SCARA5: variants seen among roughly 807,000 people sequenced by gnomAD.
SCARA5 encodes the protein scavenger receptor class A, member 5 (putative).
In SCARA5, 45 loss-of-function variants were observed where a neutral mutation model predicts 46.3. The ratio of observed to expected loss-of-function variants is 0.97; its 90% confidence interval spans 0.76 to 1.24. SCARA5 has a LOEUF of 1.24. Among genes scored for constraint, SCARA5 ranks in the 50% most tolerant of loss-of-function variants. The probability of loss-of-function intolerance (pLI) is 0.00; values close to 1 mark genes in which losing one functional copy is unlikely to be tolerated. For missense variants in SCARA5, 680 were observed against 689.0 expected (o/e 0.99, Z 0.15); for synonymous variants, 333 against 306.5 (o/e 1.09, Z -0.90).
chr8:27,921,211 C>G (rs1435162611), intron 4 of SCARA5, among the ~76,000 whole-genome samples: 1 of 152,218 alleles, frequency 6.6e-6, no homozygotes. Flanking sequence ...TTGTTCTGCC[C>G]CCAGCCTCAA....
At chr8:27,911,246 A>AC (rs11413785) in intron 4 of SCARA5, among the ~76,000 whole-genome samples, 108,530 of 151,902 alleles carry the variant, frequency 0.71, 39,253 homozygotes, top group East Asian at 0.95. Context: ...AAGTAATCTC[A>AC]CCTGCCTTGT....
intron 3 of SCARA5, among the ~76,000 whole-genome samples, chr8:27,927,741 G>T (rs907362565): frequency 6.6e-6 from 1 of 151,968 alleles, no homozygotes; most frequent in Non-Finnish European, 1.5e-5. Flanking sequence ...AGGTCAAAAG[G>T]CATGGACATT....
chr8:27,901,716 G>A (rs1807157284), intron 7 of SCARA5, among the ~76,000 whole-genome samples: 2 of 152,186 alleles, frequency 1.3e-5, no homozygotes, highest in South Asian at 4.1e-4. Flanking sequence ...CCTCAGCCCT[G>A]AATCGTGACA....
At chr8:27,949,325 C>T (rs1285146082) in intron 3 of SCARA5, among the ~76,000 whole-genome samples, 1 of 152,222 alleles carries the variant, frequency 6.6e-6, no homozygotes, top group African/African-American at 2.4e-5. Flanking sequence ...CACCAGTGCC[C>T]TTTAAATTTA....
chr8:27,907,008 A>T (rs867999438), intron 6 of SCARA5, 140 bp downstream of exon 6: 1 of 543,952 alleles, frequency 1.8e-6, no homozygotes. Flanking sequence ...TAAATGCTTT[A>T]ACAAGATGAA....
chr8:27,959,072 A>G (rs370022124), intron 3 of SCARA5, among the ~76,000 whole-genome samples: 2 of 152,218 alleles, frequency 1.3e-5, no homozygotes, highest in Admixed American at 6.5e-5. Context: ...GTCTCTACTA[A>G]AAATACAAAA....
At chr8:27,988,488 C>T (rs1463949343) in intron 1 of SCARA5, among the ~76,000 whole-genome samples, 4 of 152,166 alleles carry the variant, frequency 2.6e-5, no homozygotes, top group Non-Finnish European at 1.5e-5. Flanking sequence ...GCGTAAGGTG[C>T]GTGTGGATGT....
intron 3 of SCARA5, among the ~76,000 whole-genome samples, chr8:27,957,683 C>T (rs983213927): frequency 2.0e-5 from 3 of 152,312 alleles, no homozygotes; most frequent in South Asian, 2.1e-4. Flanking sequence ...GCTGTGGGGC[C>T]GTGGGCCAGA....
At chr8:27,875,563 G>C (rs1440998172) in intron 8 of SCARA5, among the ~76,000 whole-genome samples, 1 of 152,124 alleles carries the variant, frequency 6.6e-6, no homozygotes, top group East Asian at 1.9e-4. Flanking sequence ...CCAGCAGGAG[G>C]AGCAGCACAG....
intron 4 of SCARA5, among the ~76,000 whole-genome samples, chr8:27,919,629 C>T (rs191602365): frequency 3.0e-4 from 45 of 151,856 alleles, no homozygotes; most frequent in South Asian, 1.7e-3. Context: ...TCTCTGTGCC[C>T]CCTAGCATGA....
At chr8:27,956,275 T>C (rs754595729) in intron 3 of SCARA5, among the ~76,000 whole-genome samples, 2 of 152,138 alleles carry the variant, frequency 1.3e-5, no homozygotes, top group Non-Finnish European at 2.9e-5. Context: ...AACAAACCTG[T>C]ACATACATCC....
At position 27,907,182 on chromosome 8, in the gene SCARA5, C is replaced by A. The variant is rs757532938; in HGVS notation, c.1062G>T (p.Gly354=). Residue 354 remains glycine, a synonymous_variant, in exon 6 of 9, where the codon GGG becomes GGT. Coordinates refer to ENST00000354914, the MANE Select transcript of SCARA5 (RefSeq NM_173833.6). ...PGPKGDDGKL[G]ATGPMGMRGF... The stretch of plus-strand genomic sequence containing the variant: ...CACGCATGCCCATTGGTCCTGTGGC[C>A]CCCAGCTTCCCATCATCGCCCTTGG... 1 of 1,613,666 alleles carries A rather than the reference C, an allele frequency of 6.2e-7. No individual in the cohort carries two copies. The highest frequency in any genetic ancestry group is 1.7e-5 in the Admixed American group (1 of 59,968).
rs1224252026 is a variant in SCARA5, at chr8:27,871,870, C to A, written c.*64G>T. On this transcript the variant is annotated 3_prime_UTR_variant, in exon 9 of 9. Transcript: ENST00000354914. ...ATGGTCAGGGTGGCCCCGAGCTGTG[C>A]CCCACCCCAGGGATGCAGGAAGGGT... The A allele has an allele frequency of 6.2e-7, 1 of 1,607,826 alleles. No individual in the cohort carries two copies. The highest frequency in any genetic ancestry group is 8.5e-7 in the Non-Finnish European group (1 of 1,176,928).
At chr8:27,938,200 C>T (rs753118583) in intron 3 of SCARA5, among the ~76,000 whole-genome samples, 1 of 152,192 alleles carries the variant, frequency 6.6e-6, no homozygotes, top group Non-Finnish European at 1.5e-5. Flanking sequence ...TCACTGATGC[C>T]ACCCTTGGCT....
At chr8:27,943,541 G>A (rs539116852) in intron 3 of SCARA5, among the ~76,000 whole-genome samples, 1 of 152,354 alleles carries the variant, frequency 6.6e-6, no homozygotes, top group African/African-American at 2.4e-5. Flanking sequence ...GGTTCTCCAA[G>A]GGGTTGGGGA....
At chr8:27,973,828 G>A (rs1461636154) in intron 2 of SCARA5, among the ~76,000 whole-genome samples, 1 of 152,130 alleles carries the variant, frequency 6.6e-6, no homozygotes, top group Non-Finnish European at 1.5e-5. Context: ...GACTTATGGG[G>A]TGAAAAAAAT....
chr8:27,877,136 G>A (rs747014082), intron 8 of SCARA5, among the ~76,000 whole-genome samples: 2 of 152,136 alleles, frequency 1.3e-5, no homozygotes, highest in Admixed American at 6.5e-5. Flanking sequence ...TTGTAGAGAG[G>A]AGGAGAACAT....
intron 8 of SCARA5, among the ~76,000 whole-genome samples, chr8:27,878,568 C>T (rs561275260): frequency 5.3e-5 from 8 of 152,196 alleles, no homozygotes; most frequent in African/African-American, 1.4e-4. Flanking sequence ...AGGAAAGCAA[C>T]CAAAATGATG....
intron 3 of SCARA5, among the ~76,000 whole-genome samples, chr8:27,949,783 C>G (rs900203303): frequency 1.3e-5 from 2 of 152,248 alleles, no homozygotes; most frequent in African/African-American, 4.8e-5. Context: ...TCCTCCCCTA[C>G]AGCCTGCCCG....
Sources: allele counts gnomAD v4.1 joint callset (sites outside exome capture counted in the v4.1 genomes callset), GRCh38; gene constraint gnomAD v4.1.1; transcripts MANE v1.5; gene names NCBI Gene and HGNC (gene_info 2026-07-23, HGNC 2026-07-21).